C5orf47: variants seen among roughly 807,000 people sequenced by gnomAD.
C5orf47 encodes the protein chromosome 5 open reading frame 47.
Under a neutral mutation model 20.6 loss-of-function variants are expected in C5orf47, and 20 were observed. That is an observed-to-expected ratio of 0.97 (90% CI 0.68 to 1.41). C5orf47 has a LOEUF of 1.41. C5orf47 is among the 40% of genes most tolerant of loss of function. The pLI is 0.00. For synonymous variants in C5orf47, 106 were observed against 97.3 expected, an observed-to-expected ratio of 1.09 and a Z score of -0.53; for missense variants, 262 against 238.4, an observed-to-expected ratio of 1.10 and a Z score of -0.65.
At chr5:174,008,184 C>T (rs1241962283), downstream of C5orf47, among the ~76,000 whole-genome samples, 1 of 152,188 alleles carries the variant, frequency 6.6e-6, no homozygotes. Flanking sequence ...CTGCTCAAAT[C>T]TTGATTCCCT....
In C5orf47 at chr5:173,997,904, A is replaced by G. The variant is rs13177401; in HGVS notation, c.326-249A>G. Among the ~76,000 whole-genome samples, 336 of 152,298 alleles carry G rather than the reference A, an allele frequency of 2.2e-3. 4 individuals are homozygous for G. Among genetic ancestry groups the G allele is most frequent in the South Asian group, 8.7e-3 (42 of 4,828 alleles). ...TGTTGGTCTTTTTGGGACTAGCCTTACAAACCAGAAAAGGAAGACTGAACT... is the reference window on the plus strand; with the variant it reads ...TGTTGGTCTTTTTGGGACTAGCCTTGCAAACCAGAAAAGGAAGACTGAACT... On this transcript the variant is annotated intron_variant, in intron 1 of 4. Transcript: ENST00000340147.
Position 173,999,799 on chromosome 5 carries a change from A to T in C5orf47, c.511A>T (p.Ser171Cys). Residue 171 changes from serine to cysteine, a missense_variant and splice_region_variant, in exon 3 of 5, where the codon AGC becomes TGC. By Grantham distance (112) the Ser-to-Cys change is moderately radical (BLOSUM62 -1). Coordinates refer to ENST00000340147, the MANE Select transcript of C5orf47 (RefSeq NM_001144954.2). ...GAAATGCCAAAGGTTATCTAGTGAA[A>T]GTAAGTTAACACAATTTTTATTGTA... Reference protein sequence around the residue: ...RLKCQRLSSESSNYTR With the variant: ...RLKCQRLSSECSNYTR 6.7e-7 allele frequency: 1 copy of T among 1,488,214 alleles called. No homozygotes were observed. 92.2% of individuals were successfully genotyped at this position (1,488,214 alleles called of 1,614,324 possible). A position where few individuals can be genotyped will look rare whatever the true frequency, so the allele number is the denominator to read the frequency against.
intron 1 of C5orf47, among the ~76,000 whole-genome samples, chr5:173,995,351 A>G (rs560332140): frequency 1.3e-5 from 2 of 152,332 alleles, no homozygotes; most frequent in African/African-American, 4.8e-5. Context: ...AATAGCTTTG[A>G]TAGTCAAGTT....
At position 173,989,458 on chromosome 5, in the gene C5orf47, T is replaced by A. The variant is rs1245186491; in HGVS notation, c.195T>A (p.Gly65=). The A allele has an allele frequency of 2.1e-5, 32 of 1,549,234 alleles. No homozygotes were observed. The highest frequency in any genetic ancestry group is 3.3e-4 in the Middle Eastern group (2 of 6,004). ...REAMAVAGVQ[G]GSELPLGSQL... is the part of the protein sequence containing the mutation. ...CAATGGCGGTGGCGGGCGTTCAGGG[T>A]GGCAGCGAGCTGCCCCTCGGTTCCC... The change falls in exon 1 of 5, where the codon GGT becomes GGA. Residue 65 remains glycine, a synonymous_variant. Transcript: ENST00000340147.
intron 4 of C5orf47, among the ~76,000 whole-genome samples, chr5:174,003,857 A>C (rs1340488867): frequency 6.6e-6 from 1 of 152,306 alleles, no homozygotes; most frequent in African/African-American, 2.4e-5. Context: ...TATAAAAAGT[A>C]GGAGCATAAA....
downstream of C5orf47, among the ~76,000 whole-genome samples, chr5:174,008,822 CAAAA>C (rs57488841): frequency 2.7e-3 from 206 of 75,466 alleles, no homozygotes; most frequent in Middle Eastern, 0.025. Context: ...GACTCCATCT[CAAAA>C]AAAAAAAAAA....
Position 173,989,566 on chromosome 5 carries a change from C to T in C5orf47, c.303C>T (p.Gly101=). ...SQLRASRVQS[G]TRQSARAGLI... ...TGCGGGCATCGAGAGTTCAGAGCGG[C>T]ACCAGACAGTCGGCGCGTGCAGGTG... The change falls in exon 1 of 5, where the codon GGC becomes GGT. Residue 101 remains glycine, a synonymous_variant. Coordinates refer to ENST00000340147, the MANE Select transcript of C5orf47 (RefSeq NM_001144954.2). 4 of 1,480,176 alleles carry T rather than the reference C, an allele frequency of 2.7e-6. No individual in the cohort carries two copies. The highest frequency in any genetic ancestry group is 1.3e-5 in the South Asian group (1 of 76,230). 91.7% of individuals were successfully genotyped at this position (1,480,176 alleles called of 1,614,324 possible). A position where few individuals can be genotyped will look rare whatever the true frequency, so the allele number is the denominator to read the frequency against.
intron 4 of C5orf47, among the ~76,000 whole-genome samples, chr5:174,001,733 C>G (rs943281891): frequency 1.3e-5 from 2 of 151,938 alleles, no homozygotes; most frequent in East Asian, 1.9e-4. Flanking sequence ...AAATGCTGTC[C>G]TAGGAGTGAT....
chr5:174,005,788 CATA>C lies in C5orf47; in HGVS notation c.*1535_*1537del, dbSNP rs1469789208. 1 of 152,230 alleles carries C rather than the reference CATA, an allele frequency of 6.6e-6. No homozygotes were observed. The highest frequency in any genetic ancestry group is 1.5e-5 in the Non-Finnish European group (1 of 68,020). The allele number at this position is 152,230 out of a possible 1,614,324, so 9.4% of individuals were successfully genotyped here. On this transcript the variant is annotated 3_prime_UTR_variant, in exon 5 of 5. Coordinates refer to ENST00000340147, the MANE Select transcript of C5orf47 (RefSeq NM_001144954.2). ...TATTTATGTGACTTATACAACTTGA[CATA>C]GTAGTCTGTTTTAATTTATTAGGTA...
intron 3 of C5orf47, among the ~76,000 whole-genome samples, chr5:174,000,217 T>C (rs1281235532): frequency 6.6e-6 from 1 of 152,116 alleles, no homozygotes; most frequent in African/African-American, 2.4e-5. Context: ...GAAGCTACAT[T>C]CCTACTTAAT....
At chr5:174,007,995 A>C (rs1759318999), downstream of C5orf47, among the ~76,000 whole-genome samples, 1 of 152,192 alleles carries the variant, frequency 6.6e-6, no homozygotes, top group South Asian at 2.1e-4. Context: ...CGTATACTGG[A>C]GGCCTTGGTA....
downstream of C5orf47, among the ~76,000 whole-genome samples, chr5:174,007,249 A>G (rs1014324324): frequency 6.6e-6 from 1 of 152,210 alleles, no homozygotes; most frequent in South Asian, 2.1e-4. Context: ...CAGCCAAGAT[A>G]ATAATAATAA....
chr5:173,989,686 G>A, intron 1 of C5orf47, 98 bp downstream of exon 1: 2 of 1,100,662 alleles, frequency 1.8e-6, no homozygotes, highest in Non-Finnish European at 2.4e-6. Context: ...GCAGGAGGCT[G>A]GGGGCAGCTT....
At chr5:173,991,267 T>C (rs1758992139) in intron 1 of C5orf47, among the ~76,000 whole-genome samples, 1 of 152,170 alleles carries the variant, frequency 6.6e-6, no homozygotes, top group Non-Finnish European at 1.5e-5. Context: ...TAAAGAGATA[T>C]AATTTTATTT....
At chr5:173,998,747 C>T (rs566077650) in intron 2 of C5orf47, among the ~76,000 whole-genome samples, 138 of 152,192 alleles carry the variant, frequency 9.1e-4, no homozygotes, top group Non-Finnish European at 1.7e-3. Context: ...TATTCAAGAC[C>T]GGATGCTCTG....
intron 3 of C5orf47, among the ~76,000 whole-genome samples, chr5:174,000,468 AT>A (rs1377824302): frequency 6.6e-6 from 1 of 152,046 alleles, no homozygotes; most frequent in African/African-American, 2.4e-5. Flanking sequence ...ATCACAAGTT[AT>A]TTTCTTTCCT....
chr5:173,992,003 C>T (rs1759005889), intron 1 of C5orf47, among the ~76,000 whole-genome samples: 1 of 152,152 alleles, frequency 6.6e-6, no homozygotes, highest in Non-Finnish European at 1.5e-5. Context: ...TGTAGGCTTC[C>T]TAACTCTAAT....
chr5:174,006,379 A>G (rs1441683641), downstream of C5orf47, among the ~76,000 whole-genome samples: 1 of 152,142 alleles, frequency 6.6e-6, no homozygotes, highest in Non-Finnish European at 1.5e-5. Context: ...TTTAATGAAA[A>G]ATTTTGGTGA....
In C5orf47 at chr5:174,004,634, A is replaced by G. The variant is rs1158002755; in HGVS notation, c.*380A>G. 7 of 152,226 alleles carry G rather than the reference A, an allele frequency of 4.6e-5. No homozygotes were observed. 9.4% of individuals were successfully genotyped at this position (152,226 alleles called of 1,614,324 possible). A position where few individuals can be genotyped will look rare whatever the true frequency, so the allele number is the denominator to read the frequency against. ...TGAGTCTACAACTGCTGCTTTGTTC[A>G]TCTCTTCTTTTAGATGTAACTCTTA... On this transcript the variant is annotated 3_prime_UTR_variant, in exon 5 of 5. Transcript: ENST00000340147.
Sources: allele counts gnomAD v4.1 joint callset (sites outside exome capture counted in the v4.1 genomes callset), GRCh38; gene constraint gnomAD v4.1.1; transcripts MANE v1.5; gene names NCBI Gene and HGNC (gene_info 2026-07-23, HGNC 2026-07-21).